The following MDFIC2 variants were observed in gnomAD, a reference collection of about 807,000 sequenced individuals.
MDFIC2 encodes MyoD family inhibitor domain containing 2, also known as myoD family inhibitor domain-containing protein 2.
rs566736770 is a variant in MDFIC2, at chr3:70,247,665, A to T, written c.89-40875T>A. On this transcript the variant is annotated intron_variant, in intron 2 of 3. Coordinates refer to ENST00000567252, the MANE Select transcript of MDFIC2 (RefSeq NM_001364677.1). ...CTAATAGCACAAGGTAACTATTTTT[A>T]TCCCAATCATCATTATCATTGGTTT... 5.5e-3 allele frequency among the ~76,000 whole-genome samples: 833 copies of T among 152,022 alleles called. 8 individuals are homozygous for T. Among genetic ancestry groups the T allele is most frequent in the African/African-American group, 0.019 (795 of 41,534 alleles).
intron 2 of MDFIC2, among the ~76,000 whole-genome samples, chr3:70,236,641 G>C (rs1040231486): frequency 2.0e-5 from 3 of 152,066 alleles, no homozygotes; most frequent in Non-Finnish European, 4.4e-5. Flanking sequence ...TGTCACCCAG[G>C]CTGGAGTGCA....
At chr3:70,226,498 G>A (rs941432077) in intron 2 of MDFIC2, among the ~76,000 whole-genome samples, 5 of 152,162 alleles carry the variant, frequency 3.3e-5, no homozygotes, top group Non-Finnish European at 7.4e-5. Flanking sequence ...AACACTTTGG[G>A]AGGCTGAGGC....
chr3:70,310,842 G>A (rs904085229), intron 2 of MDFIC2, among the ~76,000 whole-genome samples: 3 of 152,048 alleles, frequency 2.0e-5, no homozygotes, highest in Admixed American at 6.5e-5. Flanking sequence ...ATGATGAGGT[G>A]GTGGTTACAT....
In MDFIC2 at chr3:70,195,409, G is replaced by T. The variant is rs1701166412; in HGVS notation, c.*1517C>A. On this transcript the variant is annotated 3_prime_UTR_variant, in exon 4 of 4. Transcript: ENST00000567252. ...GGGTGCACTGCACTTCCAGGAGCAA[G>T]TTGAGAGTGGTTAAATGCCTTTTTA... is the stretch of plus-strand genomic sequence containing the variant. Among the ~76,000 whole-genome samples the T allele has an allele frequency of 6.6e-6, 1 of 152,194 alleles. No homozygotes were observed. Among genetic ancestry groups the T allele is most frequent in the South Asian group, 2.1e-4 (1 of 4,832 alleles).
chr3:70,280,587 TCTCAGAAGCAGC>T (rs1349368851), intron 2 of MDFIC2, among the ~76,000 whole-genome samples: 1 of 152,114 alleles, frequency 6.6e-6, no homozygotes, highest in Admixed American at 6.6e-5. Context: ...AAAATGAAGG[TCTCAGAAGCAGC>T]CTCAGAAGCA....
At chr3:70,305,862 C>G (rs1702394899) in intron 2 of MDFIC2, among the ~76,000 whole-genome samples, 1 of 152,080 alleles carries the variant, frequency 6.6e-6, no homozygotes, top group Admixed American at 6.5e-5. Context: ...TGAGATTTTT[C>G]TATTATGCAT....
At chr3:70,284,142 T>A (rs1414674000) in intron 2 of MDFIC2, among the ~76,000 whole-genome samples, 1 of 152,194 alleles carries the variant, frequency 6.6e-6, no homozygotes, top group Non-Finnish European at 1.5e-5. Flanking sequence ...TAAAATTTCA[T>A]GAAAGCAAGA....
chr3:70,278,084 TCTCATCATTTCCCCCGC>T (rs1702044965), intron 2 of MDFIC2, among the ~76,000 whole-genome samples: 1 of 152,108 alleles, frequency 6.6e-6, no homozygotes, highest in Non-Finnish European at 1.5e-5. Flanking sequence ...CATAGACAGC[TCTCATCATTTCCCCCGC>T]CTCCCAGTCA....
intron 2 of MDFIC2, among the ~76,000 whole-genome samples, chr3:70,232,399 T>C (rs1575602817): frequency 6.9e-6 from 1 of 144,080 alleles, no homozygotes; most frequent in African/African-American, 2.5e-5. Flanking sequence ...AATGATGATG[T>C]TCCTATTTTT....
chr3:70,202,817 G>A (rs1243701741), intron 3 of MDFIC2, among the ~76,000 whole-genome samples: 2 of 152,098 alleles, frequency 1.3e-5, no homozygotes, highest in Admixed American at 6.6e-5. Flanking sequence ...GGTGTTAAAT[G>A]TACAACTGGG....
chr3:70,282,052 A>G lies in MDFIC2; in HGVS notation c.88+29834T>C, dbSNP rs75743986. On this transcript the variant is annotated intron_variant, in intron 2 of 3. Coordinates refer to ENST00000567252, the MANE Select transcript of MDFIC2 (RefSeq NM_001364677.1). ...GTCTAGGTCCCTTTGCTTGTTGCAT[A>G]TAAAGCCAATCACTGAGACAAGTAC... 2.4e-4 allele frequency among the ~76,000 whole-genome samples: 37 copies of G among 152,258 alleles called. No individual in the cohort carries two copies. In the East Asian group the frequency reaches 5.8e-3, roughly 24 times the overall value.
chr3:70,295,197 A>T (rs961367885), intron 2 of MDFIC2, among the ~76,000 whole-genome samples: 2 of 152,132 alleles, frequency 1.3e-5, no homozygotes, highest in Non-Finnish European at 2.9e-5. Context: ...TCCTGAACAA[A>T]ATTGAGATTG....
chr3:70,203,408 T>C (rs1300311473), intron 3 of MDFIC2, among the ~76,000 whole-genome samples: 1 of 152,288 alleles, frequency 6.6e-6, no homozygotes, highest in South Asian at 2.1e-4. Context: ...TGCCTTTCTC[T>C]AGCTGGGGTA....
intron 2 of MDFIC2, among the ~76,000 whole-genome samples, chr3:70,287,897 T>C (rs369357146): frequency 2.7e-4 from 40 of 149,126 alleles, no homozygotes; most frequent in South Asian, 4.3e-4. Flanking sequence ...GTGGGATCAG[T>C]GGTGACATCC....
chr3:70,221,159 A>G (rs972690197), intron 2 of MDFIC2, among the ~76,000 whole-genome samples: 2 of 152,160 alleles, frequency 1.3e-5, no homozygotes, highest in Non-Finnish European at 1.5e-5. Flanking sequence ...GATGTGGAAT[A>G]AACCGTAGAT....
At chr3:70,220,201 TCA>T (rs1448243952) in intron 2 of MDFIC2, among the ~76,000 whole-genome samples, 1 of 152,110 alleles carries the variant, frequency 6.6e-6, no homozygotes, top group Non-Finnish European at 1.5e-5. Context: ...AATTTTATCC[TCA>T]GTTTGTCTTT....
chr3:70,296,619 C>T (rs1285481176), intron 2 of MDFIC2, among the ~76,000 whole-genome samples: 1 of 152,150 alleles, frequency 6.6e-6, no homozygotes, highest in Non-Finnish European at 1.5e-5. Context: ...GTTGCTTGGA[C>T]CTTGTCCTTG....
intron 2 of MDFIC2, among the ~76,000 whole-genome samples, chr3:70,242,960 G>A (rs1575604987): frequency 6.6e-6 from 1 of 152,110 alleles, no homozygotes; most frequent in African/African-American, 2.4e-5. Context: ...TAAAAAAATT[G>A]CCCCAGGCCT....
intron 2 of MDFIC2, among the ~76,000 whole-genome samples, chr3:70,297,440 C>G (rs1249806407): frequency 1.3e-5 from 2 of 151,874 alleles, no homozygotes; most frequent in Non-Finnish European, 2.9e-5. Flanking sequence ...TCTGCTTAAC[C>G]CTCACGTTGT....
Sources: allele counts gnomAD v4.1 joint callset (sites outside exome capture counted in the v4.1 genomes callset), GRCh38; gene constraint gnomAD v4.1.1; transcripts MANE v1.5; gene names NCBI Gene and HGNC (gene_info 2026-07-23, HGNC 2026-07-21).